HIKESHI: variants seen among roughly 807,000 people sequenced by gnomAD.
The protein encoded by HIKESHI is heat shock protein nuclear import factor hikeshi, also known as protein Hikeshi.
HIKESHI carries 13 observed loss-of-function variants against 25.7 expected under a neutral mutation model. The ratio of observed to expected loss-of-function variants is 0.51; its 90% CI spans 0.33 to 0.80. The LOEUF is 0.80. HIKESHI is among the 30% of genes least tolerant of loss of function. The pLI is 0.02. For missense variants in HIKESHI, 174 were observed against 229.5 expected, an observed-to-expected ratio of 0.76 and a Z score of 1.56; for synonymous variants, 76 against 78.7, an observed-to-expected ratio of 0.97 and a Z score of 0.18.
chr11:86,318,428 T>A (rs377100710), intron 2 of HIKESHI, among the ~76,000 whole-genome samples: 1 of 151,834 alleles, frequency 6.6e-6, no homozygotes, highest in African/African-American at 2.4e-5. Context: ...TACAAAGTTC[T>A]ACTATACCTT....
intron 2 of HIKESHI, among the ~76,000 whole-genome samples, chr11:86,308,394 T>C (rs1946738818): frequency 7.0e-6 from 1 of 142,218 alleles, no homozygotes; most frequent in Non-Finnish European, 1.5e-5. Context: ...AAAAAATATA[T>C]ACACACACAT....
intron 2 of HIKESHI, among the ~76,000 whole-genome samples, chr11:86,330,419 C>T (rs1397637894): frequency 2.6e-5 from 4 of 152,162 alleles, no homozygotes; most frequent in African/African-American, 7.2e-5. Flanking sequence ...TTCAACATTG[C>T]AGCCCTTCAT....
chr11:86,315,828 T>C (rs1946963310), intron 2 of HIKESHI, among the ~76,000 whole-genome samples: 1 of 152,034 alleles, frequency 6.6e-6, no homozygotes, highest in Non-Finnish European at 1.5e-5. Flanking sequence ...CTTGATTGTG[T>C]AAAACAGCAT....
At chr11:86,316,566 A>G (rs979010270) in intron 2 of HIKESHI, among the ~76,000 whole-genome samples, 10 of 152,040 alleles carry the variant, frequency 6.6e-5, no homozygotes, top group Admixed American at 3.3e-4. Flanking sequence ...CAAAGAAAAA[A>G]CATAGTGTAG....
In HIKESHI at chr11:86,306,435, C is replaced by T. The variant is rs559792088; in HGVS notation, c.221C>T (p.Thr74Met). The change falls in exon 2 of 5, where the codon ACG becomes ATG. Residue 74 changes from threonine to methionine, a missense_variant. Transcript: ENST00000278483. ...GTATGGCAACTCCTAGGATTTGTCACGAATGGGAAGCCAAGTGCCATCTTC... is the reference window on the plus strand; with the variant it reads ...GTATGGCAACTCCTAGGATTTGTCATGAATGGGAAGCCAAGTGCCATCTTC... ...MPVWQLLGFVTNGKPSAIFKI... is the reference protein window; with the variant it reads ...MPVWQLLGFVMNGKPSAIFKI... The T allele has an allele frequency of 2.5e-5, 41 of 1,613,492 alleles. No individual in the cohort carries two copies. Among genetic ancestry groups the T allele is most frequent in the South Asian group, 2.4e-4 (22 of 91,042 alleles).
At chr11:86,344,488 CTT>C in intron 3 of HIKESHI, 113 bp from the exon 4 acceptor site, 1 of 686,864 alleles carries the variant, frequency 1.5e-6, no homozygotes. Flanking sequence ...ATTAGACTCT[CTT>C]AGAACTGACA....
chr11:86,311,188 C>T (rs1380177122), intron 2 of HIKESHI, among the ~76,000 whole-genome samples: 2 of 152,068 alleles, frequency 1.3e-5, no homozygotes, highest in Non-Finnish European at 1.5e-5. Context: ...TCCGTGTGGT[C>T]CTGGACTTTT....
intron 2 of HIKESHI, among the ~76,000 whole-genome samples, chr11:86,310,652 G>A (rs1293416892): frequency 2.0e-5 from 3 of 152,130 alleles, no homozygotes; most frequent in Non-Finnish European, 2.9e-5. Flanking sequence ...GTTTTCAAAG[G>A]GAATGCTTCC....
intron 2 of HIKESHI, among the ~76,000 whole-genome samples, chr11:86,315,683 A>AAGAGTTTCCCACTCAT (rs58040097): frequency 6.6e-6 from 1 of 151,764 alleles, no homozygotes; most frequent in African/African-American, 2.4e-5. Flanking sequence ...GATGAAGATG[A>AAGAGTTTCCCACTCAT]AGACCATTAG....
At chr11:86,306,505 GT>G in intron 2 of HIKESHI, 23 bp downstream of exon 2, 2 of 1,394,072 alleles carry the variant, frequency 1.4e-6, no homozygotes, top group Non-Finnish European at 2.0e-6. Flanking sequence ...TATTAAAGTA[GT>G]TTTATAATTA....
chr11:86,310,477 G>C (rs1946805791), intron 2 of HIKESHI, among the ~76,000 whole-genome samples: 1 of 152,126 alleles, frequency 6.6e-6, no homozygotes, highest in Non-Finnish European at 1.5e-5. Context: ...CTAGACGATG[G>C]GGTTTTCTAA....
chr11:86,344,861 C>T (rs1565746935), intron 4 of HIKESHI, 140 bp downstream of exon 4: 10 of 565,404 alleles, frequency 1.8e-5, no homozygotes, highest in Middle Eastern at 3.8e-4. Flanking sequence ...AAAGTATGTA[C>T]TATAGAGATC....
chr11:86,344,661 A>G lies in HIKESHI; in HGVS notation c.479A>G (p.Gln160Arg). Residue 160 changes from glutamine (Q) to arginine (R), a missense_variant, in exon 4 of 5, where the codon CAG becomes CGG. Coordinates refer to ENST00000278483, the MANE Select transcript of HIKESHI (RefSeq NM_016401.4). Reference protein sequence around the residue: ...YNFASSFAVSQAQMTPSPSEM... With the variant: ...YNFASSFAVSRAQMTPSPSEM... ...TTTGCTTCATCATTTGCTGTCTCTC[A>G]GGCCCAGATGACACCAAGCCCATCT... 6.2e-7 allele frequency: 1 copy of G among 1,612,450 alleles called. No homozygotes were observed. The highest frequency in any genetic ancestry group is 8.5e-7 in the Non-Finnish European group (1 of 1,178,780).
chr11:86,302,681 T>G (rs1946527717), intron 1 of HIKESHI, among the ~76,000 whole-genome samples: 1 of 152,246 alleles, frequency 6.6e-6, no homozygotes, highest in African/African-American at 2.4e-5. Context: ...AGTCACAGTA[T>G]AAGTTGGCAT....
At chr11:86,308,116 C>G (rs62647652) in intron 2 of HIKESHI, among the ~76,000 whole-genome samples, 72,020 of 110,234 alleles carry the variant, frequency 0.65, 22,540 homozygotes, top group East Asian at 0.8. Flanking sequence ...ACTATATATA[C>G]AGTATACTAT....
Position 86,316,771 on chromosome 11 carries a change from C to CTTTTTTTTTTTTTTTTTTTT in HIKESHI, c.268+10310_268+10329dup, listed in dbSNP as rs71040229. ...TTATGAGTAATGAATCTGAAACATT[C>CTTTTTTTTTTTTTTTTTTTT]TTTTTTTTTTTTTTTTTTTTTTTTT... On this transcript the variant is annotated intron_variant, in intron 2 of 4. Transcript: ENST00000278483. Among the ~76,000 whole-genome samples, 25 of 68,790 alleles carry CTTTTTTTTTTTTTTTTTTTT rather than the reference C, an allele frequency of 3.6e-4. 7 individuals are homozygous for CTTTTTTTTTTTTTTTTTTTT. Among genetic ancestry groups the CTTTTTTTTTTTTTTTTTTTT allele is most frequent in the Non-Finnish European group, 4.5e-4 (17 of 37,486 alleles). 45.1% of individuals were successfully genotyped at this position (68,790 alleles called of 152,430 possible). A position where few individuals can be genotyped will look rare whatever the true frequency, so the allele number is the denominator to read the frequency against.
At chr11:86,320,325 C>A (rs1158491667) in intron 2 of HIKESHI, among the ~76,000 whole-genome samples, 1 of 152,240 alleles carries the variant, frequency 6.6e-6, no homozygotes, top group Non-Finnish European at 1.5e-5. Context: ...CGCCTGTAAT[C>A]CCAGCACTTT....
At chr11:86,307,956 T>TAAA (rs1565719979) in intron 2 of HIKESHI, among the ~76,000 whole-genome samples, 2,122 of 58,194 alleles carry the variant, frequency 0.036, 362 homozygotes, top group African/African-American at 0.082. Context: ...GTGTAATATA[T>TAAA]ATTATATAAA....
chr11:86,314,508 G>A (rs1593822038), intron 2 of HIKESHI, among the ~76,000 whole-genome samples: 1 of 151,976 alleles, frequency 6.6e-6, no homozygotes, highest in African/African-American at 2.4e-5. Flanking sequence ...CCAGCTACTC[G>A]GGAGACTGAG....
Sources: allele counts gnomAD v4.1 joint callset (sites outside exome capture counted in the v4.1 genomes callset), GRCh38; gene constraint gnomAD v4.1.1; transcripts MANE v1.5; gene names NCBI Gene and HGNC (gene_info 2026-07-23, HGNC 2026-07-21).